CACNG2: variants seen among roughly 807,000 people sequenced by gnomAD.
The protein encoded by CACNG2 is voltage-dependent calcium channel gamma-2 subunit.
Under a neutral mutation model 25.9 loss-of-function variants are expected in CACNG2, and 3 were observed. The ratio of observed to expected loss-of-function variants is 0.12; its 90% CI spans 0.05 to 0.30. The LOEUF (loss-of-function observed/expected upper bound fraction) is 0.30, where lower values mean the gene tolerates loss of function less well. CACNG2 is among the 10% of genes least tolerant of loss of function. CACNG2 has a pLI of 1.00. For missense variants in CACNG2, 341 were observed against 432.5 expected (o/e 0.79, Z 1.88); for synonymous variants, 167 against 173.3 (o/e 0.96, Z 0.29).
intron 2 of CACNG2, among the ~76,000 whole-genome samples, chr22:36,571,907 A>T (rs1024086321): frequency 1.3e-5 from 2 of 151,996 alleles, no homozygotes; most frequent in African/African-American, 4.8e-5. Context: ...AAAGAATTAA[A>T]TTGGGTCCTA....
intron 1 of CACNG2, among the ~76,000 whole-genome samples, chr22:36,680,374 A>AC (rs1937092069): frequency 7.0e-6 from 1 of 143,118 alleles, no homozygotes; most frequent in African/African-American, 2.6e-5. Flanking sequence ...CATCATCACC[A>AC]TTACCACCAC....
chr22:36,697,423 G>C (rs1345095681), intron 1 of CACNG2, among the ~76,000 whole-genome samples: 1 of 152,210 alleles, frequency 6.6e-6, no homozygotes, highest in Non-Finnish European at 1.5e-5. Flanking sequence ...ACTGCCCAGA[G>C]CACTCTGGAG....
intron 2 of CACNG2, among the ~76,000 whole-genome samples, chr22:36,571,574 C>T (rs1021113884): frequency 6.6e-6 from 1 of 151,542 alleles, no homozygotes; most frequent in Admixed American, 6.6e-5. Context: ...TTGAGAAGTG[C>T]TGTTATAAGA....
chr22:36,560,881 A>G lies in CACNG2; in HGVS notation c.*3470T>C, dbSNP rs975846368. The G allele has an allele frequency of 6.6e-6, 1 of 152,054 alleles. No homozygotes were observed. The highest frequency in any genetic ancestry group is 1.5e-5 in the Non-Finnish European group (1 of 67,966). The allele number at this position is 152,054 out of a possible 1,614,324, so 9.4% of individuals were successfully genotyped here. ...GTGAGGACCAAGCTATAAAAAAAAA[A>G]AATCTTTATTTCATGTACCAGGATT... On this transcript the variant is annotated 3_prime_UTR_variant, in exon 4 of 4. Transcript: ENST00000300105.
intron 1 of CACNG2, among the ~76,000 whole-genome samples, chr22:36,655,441 A>T (rs1056145206): frequency 6.6e-6 from 1 of 152,158 alleles, no homozygotes; most frequent in Non-Finnish European, 1.5e-5. Flanking sequence ...CTATTTTAGT[A>T]CTTACCACTC....
chr22:36,583,669 T>G (rs564293912), intron 2 of CACNG2, among the ~76,000 whole-genome samples: 7 of 152,184 alleles, frequency 4.6e-5, no homozygotes, highest in Non-Finnish European at 8.8e-5. Context: ...GTCAGCTCTG[T>G]CTCCCAAACA....
At chr22:36,617,899 G>A (rs562015154) in intron 1 of CACNG2, among the ~76,000 whole-genome samples, 1 of 151,964 alleles carries the variant, frequency 6.6e-6, no homozygotes, top group East Asian at 1.9e-4. Context: ...CCATCAACCC[G>A]AACCTTAAAA....
chr22:36,607,167 C>T (rs542113928), intron 1 of CACNG2, among the ~76,000 whole-genome samples: 7 of 152,200 alleles, frequency 4.6e-5, no homozygotes, highest in South Asian at 2.1e-4. Flanking sequence ...ATTCCTCCAT[C>T]GGGTGAAAAA....
At position 36,587,453 on chromosome 22, in the gene CACNG2, G is replaced by C. The variant is rs199887111; in HGVS notation, c.295+12C>G. 1 of 1,592,172 alleles carries C rather than the reference G, an allele frequency of 6.3e-7. No homozygotes were observed. The highest frequency in any genetic ancestry group is 8.6e-7 in the Non-Finnish European group (1 of 1,160,138). ...CACCAGGAGGGAGATAAAAACAATC[G>C]TGTGCACTCACGGAGGAAATATTCT... On this transcript the variant is annotated intron_variant, in intron 2 of 3. Transcript: ENST00000300105.
chr22:36,633,741 G>A (rs1936311638), intron 1 of CACNG2, among the ~76,000 whole-genome samples: 1 of 152,206 alleles, frequency 6.6e-6, no homozygotes, highest in Non-Finnish European at 1.5e-5. Context: ...TAAGACGTGG[G>A]CTTTAGAACA....
chr22:36,567,251 C>T (rs1358772401), intron 2 of CACNG2, among the ~76,000 whole-genome samples: 1 of 152,204 alleles, frequency 6.6e-6, no homozygotes, highest in Non-Finnish European at 1.5e-5. Flanking sequence ...CTATAATAAA[C>T]ATTCAATGCA....
chr22:36,691,956 A>G (rs1481242438), intron 1 of CACNG2, among the ~76,000 whole-genome samples: 1 of 152,252 alleles, frequency 6.6e-6, no homozygotes, highest in Non-Finnish European at 1.5e-5. Flanking sequence ...AGGAGAAAGG[A>G]TAACATGTAT....
At chr22:36,567,627 T>G in intron 2 of CACNG2, among the ~76,000 whole-genome samples, 1 of 146,712 alleles carries the variant, frequency 6.8e-6, no homozygotes, top group Non-Finnish European at 1.5e-5. Context: ...AGGGCAGAGG[T>G]CGGGGCTACA....
chr22:36,655,749 C>CCTTTCTTCCTTT (rs1569042530), intron 1 of CACNG2, among the ~76,000 whole-genome samples: 49 of 144,852 alleles, frequency 3.4e-4, no homozygotes, highest in African/African-American at 1.2e-3. Context: ...TTCCTTTCTT[C>CCTTTCTTCCTTT]CTTTCTTTCT....
intron 2 of CACNG2, among the ~76,000 whole-genome samples, chr22:36,574,076 T>G (rs1355890584): frequency 1.3e-5 from 2 of 152,068 alleles, no homozygotes; most frequent in Admixed American, 6.5e-5. Context: ...CAGGCGGGTC[T>G]GGGCCACGTG....
intron 1 of CACNG2, among the ~76,000 whole-genome samples, chr22:36,692,859 A>G (rs994390489): frequency 1.3e-5 from 2 of 152,190 alleles, no homozygotes; most frequent in Non-Finnish European, 2.9e-5. Context: ...CAAAGTTAAA[A>G]AAGAAGCCAG....
chr22:36,673,772 C>A (rs1936986409), intron 1 of CACNG2, among the ~76,000 whole-genome samples: 1 of 152,124 alleles, frequency 6.6e-6, no homozygotes, highest in South Asian at 2.1e-4. Flanking sequence ...GGACAGAGCA[C>A]TTTACAGTTT....
chr22:36,569,264 A>C (rs74746269), intron 2 of CACNG2, among the ~76,000 whole-genome samples: 4,037 of 152,172 alleles, frequency 0.027, 205 homozygotes, highest in African/African-American at 0.094. Flanking sequence ...TTTTGCCCCA[A>C]TTTACAGACA....
At position 36,703,648 on chromosome 22, in the gene CACNG2, C is replaced by G. The variant is rs933152959; in HGVS notation, c.-1072G>C. Reference sequence around the variant, plus strand: ...TCCTCCCTCCCCGGGGCAGCAAGGCCAGCGCAGAGCGGGGGCCGCCTTTCC... The same window carrying G: ...TCCTCCCTCCCCGGGGCAGCAAGGCGAGCGCAGAGCGGGGGCCGCCTTTCC... On this transcript the variant is annotated 5_prime_UTR_variant, in exon 1 of 4. Coordinates refer to ENST00000300105, the MANE Select transcript of CACNG2 (RefSeq NM_006078.5). 10 of 152,198 alleles carry G rather than the reference C, an allele frequency of 6.6e-5. No homozygotes were observed. Among genetic ancestry groups the G allele is most frequent in the African/African-American group, 2.4e-4 (10 of 41,424 alleles). The allele number at this position is 152,198 out of a possible 1,614,324, so 9.4% of individuals were successfully genotyped here. A position where few individuals can be genotyped will look rare whatever the true frequency, so the allele number is the denominator to read the frequency against.
Sources: allele counts gnomAD v4.1 joint callset (sites outside exome capture counted in the v4.1 genomes callset), GRCh38; gene constraint gnomAD v4.1.1; transcripts MANE v1.5; gene names NCBI Gene and HGNC (gene_info 2026-07-23, HGNC 2026-07-21).